Variants in BIN1 observed in about 807,000 individuals in gnomAD.
The protein encoded by BIN1 is bridging integrator 1, also known as myc box-dependent-interacting protein 1.
BIN1 carries 53 observed loss-of-function variants against 82.0 expected under a neutral mutation model. That is an observed-to-expected ratio of 0.65 (90% confidence interval 0.52 to 0.81). The LOEUF (loss-of-function observed/expected upper bound fraction) is 0.81. Ranked by LOEUF, BIN1 falls within the 40% of genes least tolerant of loss-of-function variation. The pLI, the probability that BIN1 is intolerant of heterozygous loss-of-function variation, is 0.00. For missense variants in BIN1, 642 were observed against 784.4 expected, an observed-to-expected ratio of 0.82 and a Z score of 2.17; for synonymous variants, 302 against 328.0, an observed-to-expected ratio of 0.92 and a Z score of 0.86.
chr2:127,105,200 C>A (rs1206794276), intron 1 of BIN1, among the ~76,000 whole-genome samples: 1 of 152,190 alleles, frequency 6.6e-6, no homozygotes, highest in Non-Finnish European at 1.5e-5. Context: ...GGAGACACAC[C>A]AAGAGCCTTG....
chr2:127,085,361 G>T (rs1677992675), intron 1 of BIN1, among the ~76,000 whole-genome samples: 1 of 152,210 alleles, frequency 6.6e-6, no homozygotes, highest in Non-Finnish European at 1.5e-5. Context: ...TTAAAGATAA[G>T]TGCATTCCAT....
chr2:127,093,101 A>C lies in BIN1; in HGVS notation c.84+13759T>G, dbSNP rs1488688206. 6.6e-6 allele frequency among the ~76,000 whole-genome samples: 1 copy of C among 151,254 alleles called. No homozygotes were observed. The highest frequency in any genetic ancestry group is 2.4e-5 in the African/African-American group (1 of 40,836). ...CCCCACGCTAGGGCTGTCCACAGAGAGAGGGGTCAGGGAGGGAGGGCGGAA... is the reference window on the plus strand; with the variant it reads ...CCCCACGCTAGGGCTGTCCACAGAGCGAGGGGTCAGGGAGGGAGGGCGGAA... On this transcript the variant is annotated intron_variant, in intron 1 of 18. Transcript: ENST00000316724. This position sits in a 1 kb window ranked among gnomAD's most constrained non-coding sequence, Gnocchi z 5.7.
At chr2:127,094,093 C>T (rs1679280870) in intron 1 of BIN1, among the ~76,000 whole-genome samples, 2 of 152,180 alleles carry the variant, frequency 1.3e-5, no homozygotes, top group African/African-American at 4.8e-5. Context: ...CCTGTTCTCC[C>T]GTTTAATCCT....
intron 1 of BIN1, among the ~76,000 whole-genome samples, chr2:127,080,716 C>T (rs1687178346): frequency 6.6e-6 from 1 of 152,164 alleles, no homozygotes; most frequent in Non-Finnish European, 1.5e-5. Flanking sequence ...CAACCCAAGG[C>T]CAGATGTGAG....
At chr2:127,102,971 A>G (rs1445363240) in intron 1 of BIN1, among the ~76,000 whole-genome samples, 5 of 152,208 alleles carry the variant, frequency 3.3e-5, no homozygotes, top group African/African-American at 1.2e-4. Context: ...ATTCAAGGAC[A>G]GAAGGACAGA....
intron 13 of BIN1, 175 bp from the exon 14 acceptor site, chr2:127,053,620 CCT>C: frequency 1.2e-6 from 1 of 862,186 alleles, no homozygotes; most frequent in Non-Finnish European, 1.9e-6. Context: ...GCTCCCGACA[CCT>C]CTCAGGGAGC....
chr2:127,052,631 G>A (rs1160641000), intron 14 of BIN1: 3 of 507,946 alleles, frequency 5.9e-6, no homozygotes, highest in East Asian at 3.5e-5. Flanking sequence ...CTCGCACCAG[G>A]CTGGCTCTTT....
rs1022393141 is a variant in BIN1, at chr2:127,067,249, C to T, written c.612+914G>A. Among the ~76,000 whole-genome samples the T allele has an allele frequency of 6.6e-6, 1 of 152,060 alleles. No individual in the cohort carries two copies. The highest frequency in any genetic ancestry group is 2.1e-4 in the South Asian group (1 of 4,808). ...GGCCGGGCCCCTATCGCCAGCCTCTCGGGAATATGGAGAAGTGTGAGGGCC... is the reference window on the plus strand; with the variant it reads ...GGCCGGGCCCCTATCGCCAGCCTCTTGGGAATATGGAGAAGTGTGAGGGCC... On this transcript the variant is annotated intron_variant, in intron 7 of 18. Coordinates refer to ENST00000316724, the MANE Select transcript of BIN1 (RefSeq NM_139343.3). This position sits in a 1 kb window ranked among gnomAD's most constrained non-coding sequence, Gnocchi z 4.7.
chr2:127,060,837 G>C (rs1463836744), intron 10 of BIN1, among the ~76,000 whole-genome samples: 2 of 152,218 alleles, frequency 1.3e-5, no homozygotes, highest in Non-Finnish European at 2.9e-5. Context: ...GCTGTGGCCA[G>C]GTGCCCGAGG....
intron 1 of BIN1, among the ~76,000 whole-genome samples, chr2:127,089,930 C>A (rs192628066): frequency 2.0e-5 from 3 of 151,492 alleles, no homozygotes; most frequent in Non-Finnish European, 4.4e-5. Context: ...CCTGCTCCCC[C>A]CACCCAGGGC....
rs1013293394 is a variant in BIN1 at position 127,070,592 on chromosome 2, G to A, written c.276C>T (p.Pro92=). The change falls in exon 4 of 19, where the codon CCC becomes CCT. Residue 92 remains proline, a synonymous_variant. Coordinates refer to ENST00000316724, the MANE Select transcript of BIN1 (RefSeq NM_139343.3). ...LNECLQEVYE[P]DWPGRDEANK... ...TTGCCTCATCCCTGCCGGGCCAATC[G>A]GGCTCATACACCTCCTGCAGACACT... 26 of 1,613,916 alleles carry A rather than the reference G, an allele frequency of 1.6e-5. No individual in the cohort carries two copies. The highest frequency in any genetic ancestry group is 2.2e-5 in the Non-Finnish European group (26 of 1,180,018).
intron 14 of BIN1, 80 bp downstream of exon 14, chr2:127,053,342 G>C: frequency 6.4e-7 from 1 of 1,573,422 alleles, no homozygotes; most frequent in Non-Finnish European, 8.7e-7. Flanking sequence ...CCTGTGAACA[G>C]GCTAGGAGCA....
chr2:127,069,969 G>C, intron 5 of BIN1, 26 bp downstream of exon 5: 1 of 1,609,742 alleles, frequency 6.2e-7, no homozygotes, highest in Non-Finnish European at 8.5e-7. Context: ...GCCAGAGCAG[G>C]GCAGATCTGC....
Position 127,082,153 on chromosome 2 carries a change from G to GA in BIN1, c.85-5448_85-5447insT, listed in dbSNP as rs1553476521. Among the ~76,000 whole-genome samples, 9 of 142,366 alleles carry GA rather than the reference G, an allele frequency of 6.3e-5. No homozygotes were observed. Among genetic ancestry groups the GA allele is most frequent in the African/African-American group, 2.3e-4 (9 of 39,464 alleles). The allele number at this position is 142,366 out of a possible 152,430, so 93.4% of individuals were successfully genotyped here. ...AAAGGCGAGCCTTCTCCCCACCCCC[G>GA]CCCCCCACCTCTGGGTCCAGGCTCG... On this transcript the variant is annotated intron_variant, in intron 1 of 18. Transcript: ENST00000316724. The surrounding 1 kb of genome is among the most constrained non-coding windows in gnomAD (Gnocchi z 6.1).
At chr2:127,087,000 G>A (rs190501380) in intron 1 of BIN1, among the ~76,000 whole-genome samples, 21 of 152,336 alleles carry the variant, frequency 1.4e-4, no homozygotes, top group East Asian at 3.9e-4. Context: ...TTGGGAGGCC[G>A]TCACTCTAAA....
chr2:127,106,956 C>T lies in BIN1; in HGVS notation c.-13G>A, dbSNP rs1681243228. The T allele has an allele frequency of 6.2e-7, 1 of 1,607,552 alleles. No individual in the cohort carries two copies. The highest frequency in any genetic ancestry group is 8.5e-7 in the Non-Finnish European group (1 of 1,178,028). Reference sequence around the variant, plus strand: ...CCATCTCTGCCATCGCGGCGCAGGCCTCGCCCGGTGGCAGGGGCCGCTCTC... The same window carrying T: ...CCATCTCTGCCATCGCGGCGCAGGCTTCGCCCGGTGGCAGGGGCCGCTCTC... On this transcript the variant is annotated 5_prime_UTR_variant, in exon 1 of 19. Transcript: ENST00000316724.
rs554686771 is a variant in BIN1, at chr2:127,095,808, G to A, written c.84+11052C>T. Among the ~76,000 whole-genome samples, 60 of 152,286 alleles carry A rather than the reference G, an allele frequency of 3.9e-4. No homozygotes were observed. The East Asian group carries it at 9.5e-3, about 24-fold the overall frequency. The stretch of plus-strand genomic sequence containing the variant: ...CAGAGAGAAACAAATGGAAAGCGGC[G>A]GGTGTGATGGTTCTTAGTAAATTAC... On this transcript the variant is annotated intron_variant, in intron 1 of 18. Transcript: ENST00000316724.
At chr2:127,086,577 G>A (rs544635069) in intron 1 of BIN1, among the ~76,000 whole-genome samples, 47 of 149,912 alleles carry the variant, frequency 3.1e-4, no homozygotes, top group African/African-American at 1.1e-3. Flanking sequence ...GTGCAATCTC[G>A]GCTCACCGCA....
In BIN1 at chr2:127,070,040, C is replaced by A. The variant is rs760618345; in HGVS notation, c.366G>T (p.Ala122=). 2 of 1,614,142 alleles carry A rather than the reference C, an allele frequency of 1.2e-6. No homozygotes were observed. The highest frequency in any genetic ancestry group is 1.7e-6 in the Non-Finnish European group (2 of 1,180,016). ...MDYHQKLVDQ[A]LLTMDTYLGQ... is the part of the protein sequence containing the mutation. ...CCAGGTACGTGTCCATGGTCAGCAG[C>A]GCCTGGTCCACCAGCTTCTGGTGGT... Residue 122 remains alanine, a synonymous_variant, in exon 5 of 19, where the codon GCG becomes GCT. Coordinates refer to ENST00000316724, the MANE Select transcript of BIN1 (RefSeq NM_139343.3).
Sources: allele counts gnomAD v4.1 joint callset (sites outside exome capture counted in the v4.1 genomes callset), GRCh38; gene constraint gnomAD v4.1.1; non-coding constraint Gnocchi (gnomAD v3.1); transcripts MANE v1.5; gene names NCBI Gene and HGNC (gene_info 2026-07-23, HGNC 2026-07-21).